SNAP25: variants seen among roughly 807,000 people sequenced by gnomAD.
SNAP25 encodes the protein synaptosome associated protein 25, also known as synaptosomal-associated protein 25.
In SNAP25, 3 loss-of-function variants were observed where a neutral mutation model predicts 28.7. That is an observed-to-expected ratio of 0.10 (90% confidence interval 0.05 to 0.27). The LOEUF is 0.27. SNAP25 is among the 10% of genes least tolerant of loss of function. The pLI is 1.00. For missense variants in SNAP25, 117 were observed against 278.7 expected, an observed-to-expected ratio of 0.42 and a Z score of 4.13; for synonymous variants, 61 against 88.1, an observed-to-expected ratio of 0.69 and a Z score of 1.72.
At chr20:10,285,182 T>A (rs1286734205) in intron 4 of SNAP25, among the ~76,000 whole-genome samples, 3 of 152,222 alleles carry the variant, frequency 2.0e-5, no homozygotes, top group African/African-American at 4.8e-5. Context: ...TGTCTACTTC[T>A]TTTGACCATC....
At chr20:10,242,411 G>A (rs1326810976) in intron 1 of SNAP25, among the ~76,000 whole-genome samples, 1 of 152,152 alleles carries the variant, frequency 6.6e-6, no homozygotes, top group Admixed American at 6.5e-5. Context: ...TCCCAGTAGG[G>A]GAGGGGGTTC....
chr20:10,259,854 A>T (rs2063381748), intron 1 of SNAP25, among the ~76,000 whole-genome samples: 1 of 152,182 alleles, frequency 6.6e-6, no homozygotes, highest in African/African-American at 2.4e-5. Context: ...ATTCTTATGA[A>T]GTGACCTGGG....
chr20:10,273,029 A>C (rs2063624995), intron 1 of SNAP25, among the ~76,000 whole-genome samples: 2 of 152,172 alleles, frequency 1.3e-5, no homozygotes, highest in Non-Finnish European at 2.9e-5. Flanking sequence ...TTGTTGAGAA[A>C]GCAATAGAAT....
chr20:10,298,068 G>A (rs1467030019), intron 6 of SNAP25, among the ~76,000 whole-genome samples: 2 of 151,514 alleles, frequency 1.3e-5, no homozygotes, highest in Non-Finnish European at 1.5e-5. Flanking sequence ...TAGCCCAAGG[G>A]TTCTCAAGCC....
At chr20:10,234,421 A>G (rs941591238) in intron 1 of SNAP25, among the ~76,000 whole-genome samples, 3 of 152,166 alleles carry the variant, frequency 2.0e-5, no homozygotes, top group Admixed American at 1.3e-4. Context: ...ACTACCCACA[A>G]ATTTATTTTA....
At chr20:10,244,713 GTTTC>G (rs2063095888) in intron 1 of SNAP25, among the ~76,000 whole-genome samples, 2 of 150,656 alleles carry the variant, frequency 1.3e-5, no homozygotes, top group African/African-American at 2.4e-5. Flanking sequence ...AATCTTTTTT[GTTTC>G]TTTCTTTCTT....
intron 3 of SNAP25, among the ~76,000 whole-genome samples, chr20:10,283,547 T>C (rs990697698): frequency 7.9e-5 from 12 of 152,262 alleles, no homozygotes; most frequent in African/African-American, 2.4e-4. Context: ...TTCTCTAAAA[T>C]GGTGAGTTTA....
intron 4 of SNAP25, among the ~76,000 whole-genome samples, chr20:10,291,244 T>G (rs1197305508): frequency 6.6e-6 from 1 of 152,084 alleles, no homozygotes; most frequent in African/African-American, 2.4e-5. Context: ...CAGAAATTTT[T>G]TTTGTATTTT....
At chr20:10,249,487 G>A (rs2047096612) in intron 1 of SNAP25, among the ~76,000 whole-genome samples, 1 of 152,120 alleles carries the variant, frequency 6.6e-6, no homozygotes, top group Admixed American at 6.6e-5. Flanking sequence ...TAACAGCAAA[G>A]AGACTGGTAT....
intron 3 of SNAP25, among the ~76,000 whole-genome samples, chr20:10,279,735 C>T (rs2063748661): frequency 1.3e-5 from 2 of 152,180 alleles, no homozygotes; most frequent in South Asian, 4.1e-4. Flanking sequence ...TTCAATCAAG[C>T]ATGCAGCTAT....
Position 10,224,257 on chromosome 20 carries a change from CTTTTTTTTTTTTTTTTTTTTTT to C in SNAP25, c.-64+5294_-64+5315del, listed in dbSNP as rs71332917. Among the ~76,000 whole-genome samples the C allele has an allele frequency of 5.5e-3, 96 of 17,440 alleles. 1 individual carries two copies. The highest frequency in any genetic ancestry group is 6.6e-3 in the Admixed American group (8 of 1,216). The allele number at this position is 17,440 out of a possible 152,430, so 11.4% of individuals were successfully genotyped here. On this transcript the variant is annotated intron_variant, in intron 1 of 7. Transcript: ENST00000254976. The stretch of plus-strand genomic sequence containing the variant: ...AATAAGGCATAGAGAATGTACATGT[CTTTTTTTTTTTTTTTTTTTTTT>C]TTTTTTTTTTTTTGCAGTCTTTTCC...
intron 1 of SNAP25, among the ~76,000 whole-genome samples, chr20:10,239,922 T>G (rs1243641371): frequency 6.6e-6 from 1 of 152,194 alleles, no homozygotes; most frequent in African/African-American, 2.4e-5. Context: ...GGTGTATTCA[T>G]TAGCTATTGC....
intron 3 of SNAP25, among the ~76,000 whole-genome samples, chr20:10,280,093 T>C (rs6514093): frequency 0.016 from 2,510 of 152,328 alleles, 62 homozygotes; most frequent in African/African-American, 0.056. Context: ...ATAATCTGAA[T>C]TGAGCTGAAT....
At chr20:10,260,302 GC>G (rs1221774641) in intron 1 of SNAP25, among the ~76,000 whole-genome samples, 1 of 152,062 alleles carries the variant, frequency 6.6e-6, no homozygotes, top group African/African-American at 2.4e-5. Context: ...ATATTTCTTA[GC>G]AAGCAGACAC....
Position 10,263,009 on chromosome 20 carries a change from C to CTTTTTTT in SNAP25, c.-63-12399_-63-12393dup, listed in dbSNP as rs57690835. Among the ~76,000 whole-genome samples the CTTTTTTT allele has an allele frequency of 6.8e-3, 346 of 50,648 alleles. 45 individuals carry two copies. Among genetic ancestry groups the CTTTTTTT allele is most frequent in the Middle Eastern group, 0.031 (1 of 32 alleles). 33.2% of individuals were successfully genotyped at this position (50,648 alleles called of 152,430 possible). On this transcript the variant is annotated intron_variant, in intron 1 of 7. Transcript: ENST00000254976. ...TCAGGCGAAGCAACCCTGGGGTGCT[C>CTTTTTTT]TTTTTTTTTTTTTTTTTTTTTTTTT...
chr20:10,281,013 T>C (rs1200736622), intron 3 of SNAP25, among the ~76,000 whole-genome samples: 1 of 152,148 alleles, frequency 6.6e-6, no homozygotes, highest in Non-Finnish European at 1.5e-5. Context: ...GGGAAAAGCA[T>C]CTCAGAACGG....
chr20:10,234,728 A>G (rs1472127091), intron 1 of SNAP25, among the ~76,000 whole-genome samples: 1 of 152,180 alleles, frequency 6.6e-6, no homozygotes, highest in East Asian at 1.9e-4. Context: ...AAACACGATT[A>G]GACATATAAA....
intron 1 of SNAP25, among the ~76,000 whole-genome samples, chr20:10,255,932 AC>A (rs112030117): frequency 0.37 from 55,730 of 152,088 alleles, 10,986 homozygotes; most frequent in Middle Eastern, 0.53. Flanking sequence ...TAATAAATCA[AC>A]ATTATGTAAA....
intron 1 of SNAP25, among the ~76,000 whole-genome samples, chr20:10,248,789 A>G (rs1441022238): frequency 6.6e-6 from 1 of 152,214 alleles, no homozygotes; most frequent in African/African-American, 2.4e-5. Context: ...AGTGTGCACT[A>G]GAATCCCCTG....
Sources: allele counts gnomAD v4.1 joint callset (sites outside exome capture counted in the v4.1 genomes callset), GRCh38; gene constraint gnomAD v4.1.1; transcripts MANE v1.5; gene names NCBI Gene and HGNC (gene_info 2026-07-23, HGNC 2026-07-21).